PUDP: variants seen among roughly 807,000 people sequenced by gnomAD.
The protein encoded by PUDP is pseudouridine 5'-phosphatase.
PUDP carries 8 observed loss-of-function variants against 9.4 expected under a neutral mutation model. That is an observed-to-expected ratio of 0.85 (90% CI 0.50 to 1.53). The LOEUF (loss-of-function observed/expected upper bound fraction) is 1.53. PUDP is among the 40% of genes most tolerant of loss of function. PUDP has a pLI of 0.00. For missense variants in PUDP, 188 were observed against 189.7 expected, an observed-to-expected ratio of 0.99 and a Z score of 0.05; for synonymous variants, 99 against 80.7, an observed-to-expected ratio of 1.23 and a Z score of -1.22.
intron 2 of PUDP, among the ~76,000 whole-genome samples, chrX:7,086,678 G>C (rs897095100): frequency 8.9e-6 from 1 of 112,117 alleles, no homozygotes; most frequent in Admixed American, 9.5e-5. Context: ...AATGAATTCT[G>C]CTCTTTTGAA....
intron 1 of PUDP, among the ~76,000 whole-genome samples, chrX:7,122,435 G>A (rs1389108949): frequency 1.8e-5 from 2 of 111,692 alleles, no homozygotes; most frequent in African/African-American, 6.5e-5. Context: ...CTCCCTTCCT[G>A]TGTACTTCCT....
chrX:7,141,013 G>T (rs1602843040), intron 1 of PUDP, among the ~76,000 whole-genome samples: 1 of 111,594 alleles, frequency 9.0e-6, no homozygotes, highest in South Asian at 3.8e-4. Context: ...TGTTGTGTGT[G>T]TTCTGATTGC....
chrX:7,116,184 G>C (rs1842457236), intron 1 of PUDP, among the ~76,000 whole-genome samples: 1 of 111,942 alleles, frequency 8.9e-6, no homozygotes, highest in Non-Finnish European at 1.9e-5. Flanking sequence ...AGTTGGAAAA[G>C]GGAGGCTTCA....
upstream of PUDP, among the ~76,000 whole-genome samples, chrX:6,726,521 T>A (rs1168810279): frequency 1.8e-5 from 2 of 112,150 alleles, no homozygotes; most frequent in African/African-American, 6.5e-5. Flanking sequence ...TGTACATGTA[T>A]CAAAATATTC....
intron 3 of PUDP, among the ~76,000 whole-genome samples, chrX:6,808,671 T>C (rs1181534463): frequency 8.9e-6 from 1 of 111,941 alleles, no homozygotes; most frequent in African/African-American, 3.2e-5. Flanking sequence ...TAGTTAAGTA[T>C]GACAATGGTT....
At chrX:7,068,425 TG>T (rs1403286865) in intron 3 of PUDP, among the ~76,000 whole-genome samples, 1 of 111,810 alleles carries the variant, frequency 8.9e-6, no homozygotes, top group Non-Finnish European at 1.9e-5. Flanking sequence ...CCGTATATCG[TG>T]CATTGATAGC....
At chrX:7,085,644 CTGTT>C (rs1931241266) in intron 2 of PUDP, among the ~76,000 whole-genome samples, 1 of 112,475 alleles carries the variant, frequency 8.9e-6, no homozygotes, top group African/African-American at 3.2e-5. Context: ...AGTTTAACAT[CTGTT>C]TAACTTTTAA....
intron 3 of PUDP, among the ~76,000 whole-genome samples, chrX:6,796,134 C>G (rs1346526866): frequency 8.9e-6 from 1 of 112,149 alleles, no homozygotes; most frequent in Non-Finnish European, 1.9e-5. Flanking sequence ...GATTCAAAAC[C>G]ATTAGCAACC....
At chrX:7,146,052 A>G (rs1398708168) in intron 1 of PUDP, among the ~76,000 whole-genome samples, 1 of 111,858 alleles carries the variant, frequency 8.9e-6, no homozygotes, top group African/African-American at 3.3e-5. Context: ...AAACAAAGGT[A>G]TATTTCCAAG....
chrX:6,908,823 C>G (rs967669475), intron 3 of PUDP, among the ~76,000 whole-genome samples: 1 of 111,862 alleles, frequency 8.9e-6, no homozygotes, highest in Non-Finnish European at 1.9e-5. Flanking sequence ...TGTGGTTTTC[C>G]AAATCCATCA....
At chrX:6,790,587 T>C (rs1442659933) in intron 3 of PUDP, among the ~76,000 whole-genome samples, 1 of 112,467 alleles carries the variant, frequency 8.9e-6, no homozygotes, top group Non-Finnish European at 1.9e-5. Flanking sequence ...TCAACATATG[T>C]TCTAAATATT....
intron 1 of PUDP, among the ~76,000 whole-genome samples, chrX:7,133,174 T>C (rs1932661560): frequency 9.0e-6 from 1 of 111,373 alleles, no homozygotes; most frequent in Non-Finnish European, 1.9e-5. Flanking sequence ...AGAGGCCCCG[T>C]TTAAAATACA....
intron 1 of PUDP, among the ~76,000 whole-genome samples, chrX:7,136,299 A>G (rs1488841981): frequency 8.9e-6 from 1 of 112,298 alleles, no homozygotes; most frequent in Admixed American, 9.4e-5. Context: ...TGCTTTCTGG[A>G]TGGCAAAGCT....
At chrX:6,999,814 T>G (rs1272769024) in intron 1 of PUDP, among the ~76,000 whole-genome samples, 1 of 102,444 alleles carries the variant, frequency 9.8e-6, no homozygotes, top group Non-Finnish European at 2.0e-5. Flanking sequence ...ATTTAAAAAT[T>G]AAAAAAAAAA....
chrX:7,077,153 A>T, intron 3 of PUDP, 67 bp downstream of exon 3: 1 of 1,148,383 alleles, frequency 8.7e-7, no homozygotes, highest in South Asian at 2.0e-5. Context: ...TTTAGCAAAC[A>T]CTACATGGAT....
chrX:6,886,677 C>T (rs1032260187), intron 3 of PUDP, among the ~76,000 whole-genome samples: 8 of 110,968 alleles, frequency 7.2e-5, no homozygotes, highest in Non-Finnish European at 1.5e-4. Flanking sequence ...AGCAGCTGCC[C>T]AGCACCTAGT....
intron 3 of PUDP, among the ~76,000 whole-genome samples, chrX:6,937,134 T>A (rs1431036926): frequency 9.2e-5 from 8 of 87,137 alleles, no homozygotes; most frequent in African/African-American, 3.4e-4. Context: ...AAAACTACTT[T>A]AAAGTTCATA....
chrX:6,962,917 T>C (rs1928728926), intron 3 of PUDP, among the ~76,000 whole-genome samples: 1 of 113,045 alleles, frequency 8.8e-6, no homozygotes, highest in South Asian at 3.6e-4. Context: ...GTGGAACAGA[T>C]GTTGGTGCCA....
intron 2 of PUDP, among the ~76,000 whole-genome samples, chrX:7,102,542 T>G (rs1931769530): frequency 9.0e-6 from 1 of 110,805 alleles, no homozygotes; most frequent in African/African-American, 3.3e-5. Flanking sequence ...TACACACTCT[T>G]GTCACTACTA....
Sources: gnomAD v4.1 joint callset for allele counts (sites outside exome capture counted in the v4.1 genomes callset) on GRCh38, gnomAD v4.1.1 for gene constraint, MANE v1.5 for transcripts, NCBI Gene and HGNC (gene_info 2026-07-23, HGNC 2026-07-21) for gene names.